The following NBAS variants were observed in gnomAD, a reference collection of about 807,000 sequenced individuals.
NBAS encodes the protein NAG/BC035112 fusion.
NBAS carries 219 observed loss-of-function variants against 302.5 expected under a neutral mutation model. The observed-to-expected ratio is 0.72, with a 90% CI of 0.65 to 0.81. The LOEUF (loss-of-function observed/expected upper bound fraction) is 0.81. Ranked by LOEUF, NBAS falls within the 30% of genes least tolerant of loss-of-function variation. NBAS has a pLI of 0.00. For synonymous variants in NBAS, 1,118 were observed against 1,021.6 expected, an observed-to-expected ratio of 1.09 and a Z score of -1.80; for missense variants, 2,932 against 2,841.6, an observed-to-expected ratio of 1.03 and a Z score of -0.72.
the NBAS span, among the ~76,000 whole-genome samples, chr2:14,784,228 G>A: frequency 6.6e-6 from 1 of 152,180 alleles, no homozygotes. Context: ...CCCTTTGTCA[G>A]ATGAGTAGGT....
chr2:15,159,153 G>A, the NBAS span, among the ~76,000 whole-genome samples: 9 of 152,296 alleles, frequency 5.9e-5, no homozygotes, highest in South Asian at 2.1e-4. Context: ...TGGGCATGCC[G>A]GTAGGGACAG....
chr2:15,416,284 CTT>C (rs1676930079), intron 24 of NBAS, among the ~76,000 whole-genome samples: 1 of 152,158 alleles, frequency 6.6e-6, no homozygotes, highest in African/African-American at 2.4e-5. Flanking sequence ...TCCTCTTCCT[CTT>C]TGTTTTGCCC....
chr2:14,934,397 C>T, the NBAS span, among the ~76,000 whole-genome samples: 9 of 152,082 alleles, frequency 5.9e-5, no homozygotes, highest in East Asian at 1.9e-4. Flanking sequence ...TTCCTCCTCT[C>T]GTACTACATT....
At chr2:15,095,851 T>C in the NBAS span, among the ~76,000 whole-genome samples, 1 of 152,202 alleles carries the variant, frequency 6.6e-6, no homozygotes, top group East Asian at 1.9e-4. Flanking sequence ...CCAACTGTTG[T>C]TCTCCATCCC....
chr2:14,940,645 T>C, the NBAS span, among the ~76,000 whole-genome samples: 1 of 152,172 alleles, frequency 6.6e-6, no homozygotes, highest in East Asian at 1.9e-4. Flanking sequence ...CTAAATCTCT[T>C]CTTCTCCATC....
intron 21 of NBAS, among the ~76,000 whole-genome samples, chr2:15,456,649 A>G (rs1466648377): frequency 6.6e-6 from 1 of 152,212 alleles, no homozygotes; most frequent in African/African-American, 2.4e-5. Context: ...TAACTGCAGG[A>G]GATAAGGATG....
chr2:15,031,074 G>T, the NBAS span, among the ~76,000 whole-genome samples: 1 of 152,194 alleles, frequency 6.6e-6, no homozygotes, highest in African/African-American at 2.4e-5. Context: ...TATAAAAAGA[G>T]AAAGTATAAT....
chr2:15,416,874 G>C (rs532635987), intron 24 of NBAS, among the ~76,000 whole-genome samples: 2 of 150,472 alleles, frequency 1.3e-5, no homozygotes, highest in East Asian at 3.9e-4. Flanking sequence ...GGGAAGGAGA[G>C]AAAAAGAGTC....
At chr2:15,350,137 G>A (rs1175308434) in intron 35 of NBAS, among the ~76,000 whole-genome samples, 2 of 152,012 alleles carry the variant, frequency 1.3e-5, no homozygotes, top group Non-Finnish European at 2.9e-5. Flanking sequence ...TGGGGTAGTT[G>A]CATATATTCT....
At chr2:14,949,346 G>A in the NBAS span, among the ~76,000 whole-genome samples, 1 of 152,122 alleles carries the variant, frequency 6.6e-6, no homozygotes, top group East Asian at 1.9e-4. Context: ...CACGTGATAA[G>A]TGATTGATAA....
intron 32 of NBAS, among the ~76,000 whole-genome samples, chr2:15,365,595 T>A (rs1367362226): frequency 2.6e-5 from 4 of 152,198 alleles, no homozygotes; most frequent in African/African-American, 9.7e-5. Context: ...TCACAACGGA[T>A]GACTGGCCCC....
chr2:14,790,673 CAG>C, the NBAS span, among the ~76,000 whole-genome samples: 1 of 123,520 alleles, frequency 8.1e-6, no homozygotes, highest in African/African-American at 3.2e-5. Context: ...TTTTTTGAGA[CAG>C]AGTTTCACAC....
chr2:15,162,267 T>G (rs1663917748), downstream of NBAS, among the ~76,000 whole-genome samples: 1 of 152,002 alleles, frequency 6.6e-6, no homozygotes, highest in South Asian at 2.1e-4. Context: ...CATGGCCGAG[T>G]AGAAATTCCA....
Position 15,375,799 on chromosome 2 carries a change from A to G in NBAS, c.3591-1079T>C, listed in dbSNP as rs1176318347. The stretch of plus-strand genomic sequence containing the variant: ...TGTTTTTAAAAATGAAAGAAAGCAT[A>G]CCAAATCAGGAACAAATTAAATAAA... On this transcript the variant is annotated intron_variant, in intron 30 of 51. Transcript: ENST00000281513. Among the ~76,000 whole-genome samples the G allele has an allele frequency of 2.0e-5, 3 of 152,296 alleles. No individual in the cohort carries two copies. The East Asian group carries it at 5.8e-4, about 29-fold the overall frequency.
At chr2:15,232,289 G>A (rs1572492569) in intron 47 of NBAS, 133 bp downstream of exon 47, 3 of 788,656 alleles carry the variant, frequency 3.8e-6, no homozygotes, top group Non-Finnish European at 6.4e-6. Flanking sequence ...ATGTCTCCAA[G>A]TGCAGAGCCG....
At chr2:15,459,277 TAA>T (rs1679395339) in intron 21 of NBAS, among the ~76,000 whole-genome samples, 1 of 152,194 alleles carries the variant, frequency 6.6e-6, no homozygotes, top group South Asian at 2.1e-4. Flanking sequence ...AAAAAACCGT[TAA>T]GAGACAGTAG....
chr2:15,521,790 T>C (rs1662685548), intron 9 of NBAS, among the ~76,000 whole-genome samples: 1 of 152,146 alleles, frequency 6.6e-6, no homozygotes, highest in Admixed American at 6.6e-5. Flanking sequence ...CTCCAGCCCC[T>C]CAAATCAAAT....
chr2:14,901,380 A>T, the NBAS span, among the ~76,000 whole-genome samples: 3 of 152,296 alleles, frequency 2.0e-5, no homozygotes, highest in Non-Finnish European at 4.4e-5. Context: ...GAATCAGAAT[A>T]AAGGAGAAAA....
chr2:15,322,974 A>G (rs1028625545), intron 38 of NBAS, among the ~76,000 whole-genome samples: 6 of 152,222 alleles, frequency 3.9e-5, no homozygotes, highest in Admixed American at 2.6e-4. Context: ...ATATTAATAC[A>G]TTTTTTAATA....
Sources: gnomAD v4.1 joint callset for allele counts (sites outside exome capture counted in the v4.1 genomes callset) on GRCh38, gnomAD v4.1.1 for gene constraint, MANE v1.5 for transcripts, NCBI Gene and HGNC (gene_info 2026-07-23, HGNC 2026-07-21) for gene names.